The following SNX30 variants were observed in gnomAD, a reference collection of about 807,000 sequenced individuals.
SNX30 encodes the protein sorting nexin family member 30.
Under a neutral mutation model 46.4 loss-of-function variants are expected in SNX30, and 24 were observed. The observed-to-expected ratio is 0.52, with a 90% CI of 0.37 to 0.73. SNX30 has a LOEUF of 0.73. Ranked by LOEUF, SNX30 falls within the 30% of genes least tolerant of loss-of-function variation. The pLI is 0.00. For missense variants in SNX30, 533 were observed against 555.7 expected (o/e 0.96, Z 0.41); for synonymous variants, 189 against 211.5 (o/e 0.89, Z 0.92).
chr9:112,751,617 C>A (rs1839278641), intron 1 of SNX30, among the ~76,000 whole-genome samples: 1 of 152,216 alleles, frequency 6.6e-6, no homozygotes, highest in African/African-American at 2.4e-5. Context: ...CGAGAGTCTT[C>A]TTCCCCCTAG....
chr9:112,770,318 C>A (rs1167826831), intron 1 of SNX30, among the ~76,000 whole-genome samples: 1 of 151,868 alleles, frequency 6.6e-6, no homozygotes, highest in African/African-American at 2.4e-5. Flanking sequence ...ATTACAGGCA[C>A]CTGCCACCAC....
chr9:112,759,563 A>G (rs773097484), intron 1 of SNX30, among the ~76,000 whole-genome samples: 19 of 152,028 alleles, frequency 1.2e-4, no homozygotes, highest in Non-Finnish European at 2.5e-4. Context: ...CCCTGTCTCT[A>G]CTAAAAATAC....
intron 1 of SNX30, among the ~76,000 whole-genome samples, chr9:112,796,380 A>C (rs1840107277): frequency 6.6e-6 from 1 of 152,210 alleles, no homozygotes; most frequent in Non-Finnish European, 1.5e-5. Context: ...CTGGAGTTCC[A>C]GAGAAGATGT....
At chr9:112,879,846 C>A (rs747247241), downstream of SNX30, 17 of 1,602,514 alleles carry the variant, frequency 1.1e-5, no homozygotes, top group Admixed American at 3.3e-5. Flanking sequence ...TAGAGAGTTA[C>A]AAGAGAACAG....
rs1839408944 is a variant in SNX30, at chr9:112,759,787, C to T, written c.156+8630C>T. Among the ~76,000 whole-genome samples the T allele has an allele frequency of 2.6e-5, 4 of 152,098 alleles. No homozygotes were observed. The South Asian group carries it at 8.3e-4, about 32-fold the overall frequency. ...ATGTTGTCTGGATTTGAATCTCAGC[C>T]CCACCACTTAGAGTCTTGGTAACAG... On this transcript the variant is annotated intron_variant, in intron 1 of 8. Transcript: ENST00000374232.
chr9:112,773,864 A>G (rs1839693841), intron 1 of SNX30, among the ~76,000 whole-genome samples: 1 of 152,234 alleles, frequency 6.6e-6, no homozygotes, highest in Non-Finnish European at 1.5e-5. Flanking sequence ...ATCTGATTAT[A>G]GTAGAAATGT....
chr9:112,849,138 G>A (rs1840985444), intron 6 of SNX30, among the ~76,000 whole-genome samples: 1 of 152,184 alleles, frequency 6.6e-6, no homozygotes, highest in African/African-American at 2.4e-5. Context: ...CATGGCCCCT[G>A]CCCTGCTGTT....
intron 6 of SNX30, 127 bp downstream of exon 6, chr9:112,838,824 A>G (rs1840809921): frequency 1.3e-6 from 1 of 764,180 alleles, no homozygotes; most frequent in Non-Finnish European, 2.1e-6. Flanking sequence ...AGGATCAGAC[A>G]CGTGGACTGA....
intron 1 of SNX30, among the ~76,000 whole-genome samples, chr9:112,768,659 T>TTTTTTTTTTTTTTTTTTTC (rs1839590783): frequency 7.5e-6 from 1 of 132,998 alleles, no homozygotes; most frequent in African/African-American, 3.1e-5. Flanking sequence ...TTTTTTTTTT[T>TTTTTTTTTTTTTTTTTTTC]TTTTTTTTTT....
intron 1 of SNX30, among the ~76,000 whole-genome samples, chr9:112,758,586 G>A (rs1433423886): frequency 1.3e-5 from 2 of 152,110 alleles, no homozygotes; most frequent in Non-Finnish European, 2.9e-5. Context: ...GGTAGAGACG[G>A]GGTTTCGCCA....
chr9:112,785,670 C>T (rs752884049), intron 1 of SNX30, among the ~76,000 whole-genome samples: 108 of 151,786 alleles, frequency 7.1e-4, no homozygotes, highest in Non-Finnish European at 1.2e-3. Flanking sequence ...AGGCATGTGC[C>T]ACCACGCCTG....
intron 1 of SNX30, among the ~76,000 whole-genome samples, chr9:112,762,331 G>T (rs1051714581): frequency 1.3e-5 from 2 of 152,102 alleles, no homozygotes; most frequent in African/African-American, 2.4e-5. Flanking sequence ...TGTTTGGGTG[G>T]CCGAGTGCAG....
At chr9:112,885,389 A>G (rs547234465), downstream of SNX30, 34 of 151,816 alleles carry the variant, frequency 2.2e-4, no homozygotes, top group African/African-American at 8.0e-4. Flanking sequence ...ATGCAAATCT[A>G]TATCAAATCC....
Position 112,852,818 on chromosome 9 carries a change from G to T in SNX30, c.1101+1873G>T, listed in dbSNP as rs146387964. On this transcript the variant is annotated intron_variant, in intron 7 of 8. Transcript: ENST00000374232. ...GATAATAGCAGGGACTTGCATTTCAGGGAAATGGTTTGACATCAGAGCTGC... is the reference window on the plus strand; with the variant it reads ...GATAATAGCAGGGACTTGCATTTCATGGAAATGGTTTGACATCAGAGCTGC... Among the ~76,000 whole-genome samples the T allele has an allele frequency of 1.8e-4, 27 of 152,316 alleles. No individual in the cohort carries two copies. In the East Asian group the frequency reaches 4.8e-3, roughly 27 times the overall value.
rs79118828 is a variant in SNX30, at chr9:112,834,843, A to AACACACACACAC, written c.619-1342_619-1331dup. Reference sequence around the variant, plus strand: ...CGTGGATTAAACACACACACACACAAACACACACACACACACACACACACA... The same window carrying AACACACACACAC: ...CGTGGATTAAACACACACACACACAAACACACACACACACACACACACACACACACACACACA... On this transcript the variant is annotated intron_variant, in intron 4 of 8. Transcript: ENST00000374232. 2.8e-3 allele frequency among the ~76,000 whole-genome samples: 216 copies of AACACACACACAC among 78,388 alleles called. 1 individual carries two copies. The highest frequency in any genetic ancestry group is 0.013 in the Middle Eastern group (2 of 156). 51.4% of individuals were successfully genotyped at this position (78,388 alleles called of 152,430 possible). A position where few individuals can be genotyped will look rare whatever the true frequency, so the allele number is the denominator to read the frequency against.
chr9:112,752,789 A>T (rs1839297297), intron 1 of SNX30, among the ~76,000 whole-genome samples: 1 of 152,196 alleles, frequency 6.6e-6, no homozygotes, highest in African/African-American at 2.4e-5. Flanking sequence ...TGTCTGTGGG[A>T]CAATCTGAGT....
chr9:112,833,432 G>T (rs1840700635), intron 4 of SNX30, among the ~76,000 whole-genome samples: 1 of 152,172 alleles, frequency 6.6e-6, no homozygotes, highest in Non-Finnish European at 1.5e-5. Flanking sequence ...GCCAAAGCAG[G>T]TAGACCACCT....
At chr9:112,851,047 C>T (rs138429396) in intron 7 of SNX30, 102 bp downstream of exon 7, 222 of 790,906 alleles carry the variant, frequency 2.8e-4, no homozygotes, top group South Asian at 9.3e-4. Context: ...TGGTCAGTGC[C>T]GGCTGGGCTA....
chr9:112,843,246 G>A (rs1004383401), intron 6 of SNX30, among the ~76,000 whole-genome samples: 2 of 152,156 alleles, frequency 1.3e-5, no homozygotes, highest in African/African-American at 4.8e-5. Context: ...GTAAATTTGC[G>A]ACACTTACAA....
Sources: allele counts gnomAD v4.1 joint callset (sites outside exome capture counted in the v4.1 genomes callset), GRCh38; gene constraint gnomAD v4.1.1; transcripts MANE v1.5; gene names NCBI Gene and HGNC (gene_info 2026-07-23, HGNC 2026-07-21).